Variants in NEDD4 observed in about 807,000 individuals in gnomAD.
NEDD4 encodes the protein NEDD4 E3 ubiquitin protein ligase, also known as E3 ubiquitin-protein ligase NEDD4.
Under a neutral mutation model 144.9 loss-of-function variants are expected in NEDD4, and 99 were observed. That is an observed-to-expected ratio of 0.68 (90% CI 0.58 to 0.81). NEDD4 has a LOEUF of 0.81. Ranked by LOEUF, NEDD4 falls within the 30% of genes least tolerant of loss-of-function variation. NEDD4 has a pLI of 0.00. For missense variants in NEDD4, 985 were observed against 1,065.9 expected (o/e 0.92, Z 1.06); for synonymous variants, 318 against 350.6 (o/e 0.91, Z 1.04).
rs1383537261 is a variant in NEDD4, at chr15:55,924,837, G to A, written c.238-138C>T. ...AATCCCAGCACTTTGGGAGGCCGAG[G>A]TGGGTGGATCGCCTGATGTCAGGAG... On this transcript the variant is annotated intron_variant, in intron 4 of 28. Coordinates refer to ENST00000435532, the MANE Select transcript of NEDD4 (RefSeq NM_006154.4). 6 of 746,516 alleles carry A rather than the reference G, an allele frequency of 8.0e-6. No individual in the cohort carries two copies. The East Asian group carries it at 1.7e-4, about 21-fold the overall frequency. 46.2% of individuals were successfully genotyped at this position (746,516 alleles called of 1,614,324 possible). A position where few individuals can be genotyped will look rare whatever the true frequency, so the allele number is the denominator to read the frequency against.
intron 4 of NEDD4, among the ~76,000 whole-genome samples, chr15:55,947,885 C>G (rs1192439339): frequency 4.6e-5 from 7 of 152,108 alleles, no homozygotes; most frequent in Non-Finnish European, 5.9e-5. Flanking sequence ...CCTTTGAAAA[C>G]TGGCACAAGA....
intron 22 of NEDD4, 35 bp downstream of exon 22, chr15:55,838,470 CAATT>C (rs774604266): frequency 9.4e-6 from 13 of 1,378,176 alleles, no homozygotes; most frequent in Non-Finnish European, 1.3e-5. Context: ...ATTTGTCTCA[CAATT>C]TATGTGCCAT....
intron 2 of NEDD4, among the ~76,000 whole-genome samples, chr15:55,961,834 A>G (rs1453837440): frequency 2.0e-5 from 3 of 152,198 alleles, no homozygotes; most frequent in Non-Finnish European, 4.4e-5. Flanking sequence ...ATGCTAGTGA[A>G]TGTACCATGT....
chr15:55,870,339 T>C lies in NEDD4; in HGVS notation c.405-658A>G, dbSNP rs572477001. Among the ~76,000 whole-genome samples, 3 of 152,316 alleles carry C rather than the reference T, an allele frequency of 2.0e-5. No homozygotes were observed. The East Asian group carries it at 5.8e-4, about 29-fold the overall frequency. On this transcript the variant is annotated intron_variant, in intron 7 of 28. Coordinates refer to ENST00000435532, the MANE Select transcript of NEDD4 (RefSeq NM_006154.4). Reference sequence around the variant, plus strand: ...GGCCTGATCAGTGTCTGAAACCTGCTACATCTCTTTGGCAGCTGTTTGAAT... The same window carrying C: ...GGCCTGATCAGTGTCTGAAACCTGCCACATCTCTTTGGCAGCTGTTTGAAT...
intron 4 of NEDD4, among the ~76,000 whole-genome samples, chr15:55,941,507 G>A (rs901794658): frequency 3.3e-5 from 5 of 151,214 alleles, no homozygotes; most frequent in South Asian, 2.1e-4. Flanking sequence ...ATATACATAC[G>A]TGTGTTACTG....
chr15:55,986,798 T>C (rs1171000770), intron 1 of NEDD4, among the ~76,000 whole-genome samples: 3 of 151,382 alleles, frequency 2.0e-5, no homozygotes, highest in Non-Finnish European at 2.9e-5. Context: ...GGTTTCACCA[T>C]GTTAGCCAGG....
intron 1 of NEDD4, among the ~76,000 whole-genome samples, chr15:55,993,063 C>G (rs1258194780): frequency 6.6e-6 from 1 of 152,188 alleles, no homozygotes; most frequent in Non-Finnish European, 1.5e-5. Flanking sequence ...CTCTCCAGAC[C>G]GAAGTCCGTA....
intron 5 of NEDD4, among the ~76,000 whole-genome samples, chr15:55,877,228 GC>G (rs1440454832): frequency 7.2e-5 from 11 of 152,214 alleles, no homozygotes; most frequent in Admixed American, 2.6e-4. Flanking sequence ...CTCATATATT[GC>G]ATTTAGTAGT....
At chr15:55,978,425 A>T (rs970416052) in intron 1 of NEDD4, among the ~76,000 whole-genome samples, 1 of 152,216 alleles carries the variant, frequency 6.6e-6, no homozygotes, top group Non-Finnish European at 1.5e-5. Context: ...TTGTCAAATT[A>T]GTCTTTTCCA....
chr15:55,861,435 TA>T (rs1163701685), intron 9 of NEDD4, among the ~76,000 whole-genome samples: 1 of 151,886 alleles, frequency 6.6e-6, no homozygotes, highest in Non-Finnish European at 1.5e-5. Flanking sequence ...TAATGAGTAT[TA>T]AAAAAAACAG....
chr15:55,867,793 C>G (rs778763540), intron 8 of NEDD4, among the ~76,000 whole-genome samples: 1 of 152,206 alleles, frequency 6.6e-6, no homozygotes, highest in Admixed American at 6.5e-5. Context: ...CCGTGGCTCA[C>G]GCCTGTAGTC....
chr15:55,982,714 C>T (rs1261488975), intron 1 of NEDD4, among the ~76,000 whole-genome samples: 1 of 152,162 alleles, frequency 6.6e-6, no homozygotes, highest in Non-Finnish European at 1.5e-5. Context: ...GTGCATTTCA[C>T]TCTTTGTAAA....
chr15:55,911,983 A>G (rs2036290846), intron 5 of NEDD4, among the ~76,000 whole-genome samples: 1 of 152,236 alleles, frequency 6.6e-6, no homozygotes, highest in African/African-American at 2.4e-5. Flanking sequence ...AGACACATCT[A>G]CAGAGAATAC....
chr15:55,848,944 A>C (rs1230782516), intron 14 of NEDD4, 58 bp from the exon 15 acceptor site: 3 of 1,329,856 alleles, frequency 2.3e-6, no homozygotes, highest in Non-Finnish European at 3.3e-6. Context: ...AATCAAAGTC[A>C]GTCTGTTACC....
intron 18 of NEDD4, among the ~76,000 whole-genome samples, chr15:55,842,583 G>T (rs1213858220): frequency 6.6e-6 from 1 of 152,094 alleles, no homozygotes; most frequent in African/African-American, 2.4e-5. Context: ...TTGCCATCTT[G>T]CCCAGGCTGG....
intron 5 of NEDD4, among the ~76,000 whole-genome samples, chr15:55,879,723 A>C (rs1202092921): frequency 6.6e-6 from 1 of 152,210 alleles, no homozygotes; most frequent in Non-Finnish European, 1.5e-5. Context: ...TGCAAAAAAG[A>C]AGCAATTAGA....
At chr15:55,874,106 T>G in intron 5 of NEDD4, 98 bp from the exon 6 acceptor site, 1 of 628,584 alleles carries the variant, frequency 1.6e-6, no homozygotes, top group South Asian at 2.7e-5. Context: ...AATGTAGAGT[T>G]TTTTTTTTAT....
At chr15:55,953,259 G>A (rs2037277586) in intron 2 of NEDD4, among the ~76,000 whole-genome samples, 1 of 151,846 alleles carries the variant, frequency 6.6e-6, no homozygotes, top group Admixed American at 6.6e-5. Context: ...AAAGTGCTGG[G>A]ATTACCCACG....
chr15:55,982,871 C>T (rs1374927819), intron 1 of NEDD4, among the ~76,000 whole-genome samples: 2 of 152,064 alleles, frequency 1.3e-5, no homozygotes, highest in Non-Finnish European at 2.9e-5. Flanking sequence ...CCTGTAATCC[C>T]AGCACTTTGG....
Sources: gnomAD v4.1 joint callset for allele counts (sites outside exome capture counted in the v4.1 genomes callset) on GRCh38, gnomAD v4.1.1 for gene constraint, MANE v1.5 for transcripts, NCBI Gene and HGNC (gene_info 2026-07-23, HGNC 2026-07-21) for gene names.